The following PRKN variants were observed in gnomAD, a reference collection of about 807,000 sequenced individuals.
PRKN encodes parkin RBR E3 ubiquitin protein ligase, also known as E3 ubiquitin-protein ligase parkin.
A neutral mutation model predicts 59.5 loss-of-function variants in PRKN; 56 were observed. The ratio of observed to expected loss-of-function variants is 0.94; its 90% CI spans 0.76 to 1.18. PRKN has a LOEUF of 1.18. Ranked by LOEUF, PRKN falls within the 50% of genes most tolerant of loss-of-function variation. The pLI, the probability that PRKN is intolerant of heterozygous loss-of-function variation, is 0.00. For synonymous variants in PRKN, 250 were observed against 222.1 expected, an observed-to-expected ratio of 1.13 and a Z score of -1.12; for missense variants, 657 against 596.4, an observed-to-expected ratio of 1.10 and a Z score of -1.06.
In PRKN at chr6:161,470,243, C is replaced by T. The variant is rs969094532; in HGVS notation, c.1083+78611G>A. On this transcript the variant is annotated intron_variant, in intron 9 of 11. Transcript: ENST00000366898. This position sits in a 1 kb window ranked among gnomAD's most constrained non-coding sequence, Gnocchi z 5.1. Reference sequence around the variant, plus strand: ...CATAATTTTTGTGTTTGATTATATGCTTTAGTTATATTACTACCTTTGCTG... The same window carrying T: ...CATAATTTTTGTGTTTGATTATATGTTTTAGTTATATTACTACCTTTGCTG... Among the ~76,000 whole-genome samples, 5 of 152,176 alleles carry T rather than the reference C, an allele frequency of 3.3e-5. No individual in the cohort carries two copies. The highest frequency in any genetic ancestry group is 1.2e-4 in the African/African-American group (5 of 41,442).
intron 3 of PRKN, among the ~76,000 whole-genome samples, chr6:162,223,626 C>T (rs1394202908): frequency 1.9e-5 from 2 of 104,682 alleles, no homozygotes; most frequent in Non-Finnish European, 3.4e-5. Context: ...CACACACACA[C>T]ACACACACAC....
At chr6:162,413,072 T>A (rs1024688463) in intron 2 of PRKN, among the ~76,000 whole-genome samples, 5 of 152,158 alleles carry the variant, frequency 3.3e-5, no homozygotes, top group Non-Finnish European at 4.4e-5. Context: ...TAAGCAAAAA[T>A]TTCTTAAATA....
rs1366042925 is a variant in PRKN at position 161,545,256 on chromosome 6, C to T, written c.1083+3598G>A. 2.8e-6 allele frequency: 4 copies of T among 1,411,782 alleles called. No individual in the cohort carries two copies. The highest frequency in any genetic ancestry group is 3.7e-6 in the Non-Finnish European group (4 of 1,081,308). The allele number at this position is 1,411,782 out of a possible 1,614,324, so 87.5% of individuals were successfully genotyped here. ...CACGGGTGAATTCACAGGCATCTTA[C>T]AATAAATCTGTGAACCACATCCTGA... On this transcript the variant is annotated intron_variant, in intron 9 of 11. Coordinates refer to ENST00000366898, the MANE Select transcript of PRKN (RefSeq NM_004562.3). This position sits in a 1 kb window ranked among gnomAD's most constrained non-coding sequence, Gnocchi z 4.1.
In PRKN at chr6:162,327,920, C is replaced by G. The variant is rs532690055; in HGVS notation, c.172-65155G>C. Among the ~76,000 whole-genome samples the G allele has an allele frequency of 2.0e-5, 3 of 152,212 alleles. No homozygotes were observed. In the East Asian group the frequency reaches 5.8e-4, roughly 30 times the overall value. On this transcript the variant is annotated intron_variant, in intron 2 of 11. Transcript: ENST00000366898. ...ATCACCAGAGTCTTCCCCAGCGTTT[C>G]TCAATGGTCTACAAACAGGTCTGCG...
chr6:161,648,033 C>T (rs6455750), intron 7 of PRKN, among the ~76,000 whole-genome samples: 75,976 of 152,008 alleles, frequency 0.5, 21,929 homozygotes, highest in African/African-American at 0.81. Flanking sequence ...ATTACTGGTG[C>T]ATGATGCACA....
At chr6:162,469,529 C>CACAT (rs1791621616) in intron 1 of PRKN, among the ~76,000 whole-genome samples, 1 of 148,784 alleles carries the variant, frequency 6.7e-6, no homozygotes, top group African/African-American at 2.5e-5. Flanking sequence ...CACACACACA[C>CACAT]ATACACATAC....
chr6:161,635,692 T>C (rs559989503), intron 7 of PRKN, among the ~76,000 whole-genome samples: 2 of 152,112 alleles, frequency 1.3e-5, no homozygotes, highest in South Asian at 2.1e-4. Context: ...TGGAAGGAGG[T>C]TGACAGCTGC....
In PRKN at chr6:161,401,545, G is replaced by A. The variant is rs972289214; in HGVS notation, c.1084-14668C>T. The stretch of plus-strand genomic sequence containing the variant: ...GGAGAATTGCTTGAACCCAGGAGGC[G>A]GAGGCTGCAGTGAGCCGAGATTGTG... On this transcript the variant is annotated intron_variant, in intron 9 of 11. Coordinates refer to ENST00000366898, the MANE Select transcript of PRKN (RefSeq NM_004562.3). This position sits in a 1 kb window ranked among gnomAD's most constrained non-coding sequence, Gnocchi z 4.4. Among the ~76,000 whole-genome samples, 351 of 152,060 alleles carry A rather than the reference G, an allele frequency of 2.3e-3. 3 individuals carry two copies. Among genetic ancestry groups the A allele is most frequent in the Admixed American group, 7.2e-4 (11 of 15,272 alleles).
chr6:161,769,599 C>A, intron 7 of PRKN, among the ~76,000 whole-genome samples: 1 of 152,150 alleles, frequency 6.6e-6, no homozygotes, highest in East Asian at 1.9e-4. Flanking sequence ...TACTGAGACT[C>A]CCTCGAAGGT....
chr6:162,106,481 A>C (rs1350598481), intron 4 of PRKN, among the ~76,000 whole-genome samples: 3 of 151,566 alleles, frequency 2.0e-5, no homozygotes, highest in African/African-American at 7.3e-5. Context: ...ATGGTAATAC[A>C]ACCAAGCAGT....
Position 161,552,774 on chromosome 6 carries a change from T to C in PRKN, c.934-3771A>G, listed in dbSNP as rs1197056156. ...CTTCACCCCTTCCTAAAAGACACCA[T>C]GGTTTTGTTGTTGTTTTTGTTTTTT... is the stretch of plus-strand genomic sequence containing the variant. On this transcript the variant is annotated intron_variant, in intron 8 of 11. Transcript: ENST00000366898. This position sits in a 1 kb window ranked among gnomAD's most constrained non-coding sequence, Gnocchi z 4.9. Among the ~76,000 whole-genome samples, 1 of 148,062 alleles carries C rather than the reference T, an allele frequency of 6.8e-6. No individual in the cohort carries two copies. Among genetic ancestry groups the C allele is most frequent in the Non-Finnish European group, 1.5e-5 (1 of 67,080 alleles).
rs898061240 is a variant in PRKN, at chr6:161,488,179, A to G, written c.1083+60675T>C. Among the ~76,000 whole-genome samples, 1 of 152,188 alleles carries G rather than the reference A, an allele frequency of 6.6e-6. No individual in the cohort carries two copies. The highest frequency in any genetic ancestry group is 1.5e-5 in the Non-Finnish European group (1 of 68,030). On this transcript the variant is annotated intron_variant, in intron 9 of 11. Transcript: ENST00000366898. This position sits in a 1 kb window ranked among gnomAD's most constrained non-coding sequence, Gnocchi z 4.5. ...GAGGGCTAAATGAATGGAGGCAGCCATGCAAAAAGCTGAAGGAAGGTCCTC... is the reference window on the plus strand; with the variant it reads ...GAGGGCTAAATGAATGGAGGCAGCCGTGCAAAAAGCTGAAGGAAGGTCCTC...
chr6:162,677,933 T>G (rs539891259), intron 1 of PRKN, among the ~76,000 whole-genome samples: 209 of 152,252 alleles, frequency 1.4e-3, no homozygotes, highest in Non-Finnish European at 2.6e-3. Context: ...CCCCAGTAGA[T>G]TCTTCCTCCC....
At chr6:161,472,470 G>A (rs1790842812) in intron 9 of PRKN, among the ~76,000 whole-genome samples, 1 of 152,090 alleles carries the variant, frequency 6.6e-6, no homozygotes. Context: ...GTAAAATAAT[G>A]AATTGAACCC....
In PRKN at chr6:161,373,259, C is replaced by G. The variant is rs1282540005; in HGVS notation, c.1168-13054G>C. On this transcript the variant is annotated intron_variant, in intron 10 of 11. Transcript: ENST00000366898. This position sits in a 1 kb window ranked among gnomAD's most constrained non-coding sequence, Gnocchi z 4.8. ...ATGTTAACCACGTCTACAAAAATACCTTCACAGCGACACCTTGACTACTGC... is the reference window on the plus strand; with the variant it reads ...ATGTTAACCACGTCTACAAAAATACGTTCACAGCGACACCTTGACTACTGC... 6.6e-6 allele frequency among the ~76,000 whole-genome samples: 1 copy of G among 152,142 alleles called. No homozygotes were observed. Among genetic ancestry groups the G allele is most frequent in the Admixed American group, 6.5e-5 (1 of 15,276 alleles).
At chr6:162,642,835 G>C (rs1016236244) in intron 1 of PRKN, among the ~76,000 whole-genome samples, 1 of 151,782 alleles carries the variant, frequency 6.6e-6, no homozygotes, top group African/African-American at 2.4e-5. Flanking sequence ...AATATTTTAA[G>C]TCTAGTACAA....
At chr6:161,920,016 A>T (rs1778718763) in intron 6 of PRKN, among the ~76,000 whole-genome samples, 1 of 152,196 alleles carries the variant, frequency 6.6e-6, no homozygotes, top group Non-Finnish European at 1.5e-5. Context: ...CTACAAACCT[A>T]GACTGGATGG....
At chr6:161,973,484 C>A in intron 5 of PRKN, 67 bp from the exon 6 acceptor site, 1 of 836,878 alleles carries the variant, frequency 1.2e-6, no homozygotes, top group East Asian at 2.5e-5. Flanking sequence ...TAAATGTTTC[C>A]ACAGTAAACA....
Position 161,466,062 on chromosome 6 carries a change from T to TTGTGTG in PRKN, c.1084-79191_1084-79186dup, listed in dbSNP as rs10546457. Among the ~76,000 whole-genome samples the TTGTGTG allele has an allele frequency of 1.3e-5, 2 of 150,810 alleles. No individual in the cohort carries two copies. Among genetic ancestry groups the TTGTGTG allele is most frequent in the Non-Finnish European group, 1.5e-5 (1 of 67,526 alleles). The stretch of plus-strand genomic sequence containing the variant: ...CTTCTATCACCACACATAGTTATCT[T>TTGTGTG]TGTGTGTGTGTGTGTGTGTGTCTGT... On this transcript the variant is annotated intron_variant, in intron 9 of 11. Transcript: ENST00000366898. This position sits in a 1 kb window ranked among gnomAD's most constrained non-coding sequence, Gnocchi z 5.0.
Sources: allele counts gnomAD v4.1 joint callset (sites outside exome capture counted in the v4.1 genomes callset), GRCh38; gene constraint gnomAD v4.1.1; non-coding constraint Gnocchi (gnomAD v3.1); transcripts MANE v1.5; gene names NCBI Gene and HGNC (gene_info 2026-07-23, HGNC 2026-07-21).